Variants in SH3BGRL2 observed in about 807,000 individuals in gnomAD.
The protein encoded by SH3BGRL2 is SH3 domain-binding glutamic acid-rich-like protein 2.
A neutral mutation model predicts 14.8 loss-of-function variants in SH3BGRL2; 21 were observed. The observed-to-expected ratio is 1.42, with a 90% CI of 1.01 to 2.05. SH3BGRL2 has a LOEUF of 2.05. Among genes scored for constraint, SH3BGRL2 ranks in the 30% most tolerant of loss-of-function variants. The probability of loss-of-function intolerance (pLI) is 0.00; values close to 1 mark genes in which losing one functional copy is unlikely to be tolerated. For synonymous variants in SH3BGRL2, 50 were observed against 47.8 expected, an observed-to-expected ratio of 1.05 and a Z score of -0.19; for missense variants, 147 against 130.8, an observed-to-expected ratio of 1.12 and a Z score of -0.61.
the SH3BGRL2 span, chr6:79,574,977 C>T: frequency 6.6e-6 from 1 of 152,180 alleles, no homozygotes; most frequent in Non-Finnish European, 1.5e-5. Flanking sequence ...TACATGGCAT[C>T]TCAGGTCAAC....
At chr6:79,573,447 C>T in the SH3BGRL2 span, among the ~76,000 whole-genome samples, 1 of 151,990 alleles carries the variant, frequency 6.6e-6, no homozygotes, top group Non-Finnish European at 1.5e-5. Flanking sequence ...TGTAGTTTTT[C>T]TTCAAGAGTG....
At chr6:79,580,515 A>T in the SH3BGRL2 span, among the ~76,000 whole-genome samples, 1,372 of 152,340 alleles carry the variant, frequency 9.0e-3, 20 homozygotes, top group African/African-American at 0.032. Context: ...ACTACATAGA[A>T]TCTGAACAAC....
chr6:79,603,896 C>A, the SH3BGRL2 span, among the ~76,000 whole-genome samples: 1 of 152,130 alleles, frequency 6.6e-6, no homozygotes, highest in Non-Finnish European at 1.5e-5. Flanking sequence ...CCTCCACCTC[C>A]TGGGTTCAAG....
chr6:79,643,739 A>G (rs1386854644), intron 1 of SH3BGRL2, among the ~76,000 whole-genome samples: 1 of 152,146 alleles, frequency 6.6e-6, no homozygotes, highest in Non-Finnish European at 1.5e-5. Context: ...ATAGAACCCA[A>G]AAGGTTGAGA....
chr6:79,681,331 T>C (rs1769984583), intron 2 of SH3BGRL2, among the ~76,000 whole-genome samples: 1 of 152,202 alleles, frequency 6.6e-6, no homozygotes, highest in Non-Finnish European at 1.5e-5. Context: ...TTTTAGATGC[T>C]GTTTGTGGAA....
chr6:79,670,999 A>T (rs1454988717), intron 1 of SH3BGRL2, among the ~76,000 whole-genome samples: 5 of 152,152 alleles, frequency 3.3e-5, no homozygotes, highest in Non-Finnish European at 7.3e-5. Context: ...GTGTTTGCGT[A>T]AACATGATGT....
chr6:79,657,686 G>A (rs1489486362), intron 1 of SH3BGRL2, among the ~76,000 whole-genome samples: 3 of 150,870 alleles, frequency 2.0e-5, no homozygotes, highest in Non-Finnish European at 3.0e-5. Flanking sequence ...GTGTGATCTC[G>A]GCTCACTGCA....
At chr6:79,603,749 G>A in the SH3BGRL2 span, among the ~76,000 whole-genome samples, 95 of 152,252 alleles carry the variant, frequency 6.2e-4, no homozygotes, top group African/African-American at 2.3e-3. Context: ...ACTACGACAA[G>A]CAAGAATTAG....
chr6:79,663,993 C>CT (rs1461708523), intron 1 of SH3BGRL2, among the ~76,000 whole-genome samples: 2 of 152,238 alleles, frequency 1.3e-5, no homozygotes, highest in East Asian at 3.9e-4. Context: ...GAGAGAATCT[C>CT]CTAGTCTGTC....
chr6:79,572,517 G>C, the SH3BGRL2 span, among the ~76,000 whole-genome samples: 2 of 151,896 alleles, frequency 1.3e-5, no homozygotes, highest in African/African-American at 2.4e-5. Flanking sequence ...CCAGGCTGGA[G>C]TGCAGTGGCG....
chr6:79,575,674 A>G, the SH3BGRL2 span: 1 of 152,046 alleles, frequency 6.6e-6, no homozygotes, highest in African/African-American at 2.4e-5. Flanking sequence ...TTTCTTTCAG[A>G]TATTAATATA....
chr6:79,640,768 G>T (rs1446869429), intron 1 of SH3BGRL2, among the ~76,000 whole-genome samples: 5 of 152,090 alleles, frequency 3.3e-5, no homozygotes, highest in African/African-American at 9.7e-5. Flanking sequence ...ACTGAGGGCA[G>T]GGGGTTCTAA....
chr6:79,673,928 C>T (rs1769829695), intron 2 of SH3BGRL2, 129 bp downstream of exon 2: 1 of 930,188 alleles, frequency 1.1e-6, no homozygotes, highest in Admixed American at 2.6e-5. Context: ...ATCCACATGT[C>T]TAACAGAGGG....
chr6:79,562,151 T>G, the SH3BGRL2 span, among the ~76,000 whole-genome samples: 1 of 152,098 alleles, frequency 6.6e-6, no homozygotes, highest in Admixed American at 6.6e-5. Flanking sequence ...TCTCACAAAC[T>G]CAGAGTAAGA....
the SH3BGRL2 span, among the ~76,000 whole-genome samples, chr6:79,624,284 A>G: frequency 6.7e-6 from 1 of 149,862 alleles, no homozygotes; most frequent in Non-Finnish European, 1.5e-5. Flanking sequence ...TATCATATAT[A>G]TATCATCTAT....
intron 1 of SH3BGRL2, among the ~76,000 whole-genome samples, chr6:79,672,999 TG>T (rs1272619583): frequency 3.3e-5 from 5 of 152,216 alleles, no homozygotes; most frequent in African/African-American, 1.2e-4. Flanking sequence ...GTGGAATTTC[TG>T]AAGAAGGCTG....
At chr6:79,673,924 A>G in intron 2 of SH3BGRL2, 125 bp downstream of exon 2, 1 of 959,524 alleles carries the variant, frequency 1.0e-6, no homozygotes, top group Non-Finnish European at 1.6e-6. Flanking sequence ...TCAGATCCAC[A>G]TGTCTAACAG....
chr6:79,551,328 C>G, the SH3BGRL2 span, among the ~76,000 whole-genome samples: 5 of 152,180 alleles, frequency 3.3e-5, no homozygotes, highest in Non-Finnish European at 7.3e-5. Context: ...GGAGCCATGG[C>G]TGACTTTGCA....
At chr6:79,603,868 A>C in the SH3BGRL2 span, among the ~76,000 whole-genome samples, 3 of 152,032 alleles carry the variant, frequency 2.0e-5, no homozygotes. Context: ...ACAGTGGTGC[A>C]ATCTCAGCTC....
Sources: allele counts gnomAD v4.1 joint callset (sites outside exome capture counted in the v4.1 genomes callset), GRCh38; gene constraint gnomAD v4.1.1; transcripts MANE v1.5; gene names NCBI Gene and HGNC (gene_info 2026-07-23, HGNC 2026-07-21).